Variants in XKR6 observed in about 807,000 individuals in gnomAD.
XKR6 encodes XK related 6, also known as XK-related protein 6.
XKR6 carries 22 observed loss-of-function variants against 56.7 expected under a neutral mutation model. The observed-to-expected ratio is 0.39, with a 90% CI of 0.28 to 0.55. The LOEUF (loss-of-function observed/expected upper bound fraction) is 0.55, where lower values mean the gene tolerates loss of function less well. XKR6 is among the 20% of genes least tolerant of loss of function. The pLI is 0.66. For synonymous variants in XKR6, 524 were observed against 387.8 expected (o/e 1.35, Z -4.13); for missense variants, 852 against 889.0 (o/e 0.96, Z 0.53).
intron 1 of XKR6, among the ~76,000 whole-genome samples, chr8:10,932,582 C>G (rs1035441836): frequency 3.4e-5 from 4 of 116,276 alleles, no homozygotes; most frequent in Non-Finnish European, 5.3e-5. Context: ...CCCCTCCCCC[C>G]ACCCCACCAC....
intron 1 of XKR6, chr8:11,123,297 T>C (rs1449695568): frequency 1.3e-5 from 2 of 151,778 alleles, no homozygotes; most frequent in African/African-American, 4.8e-5. Flanking sequence ...ACAATATTTC[T>C]CTTGACAACT....
intron 1 of XKR6, among the ~76,000 whole-genome samples, chr8:11,172,790 G>A (rs759373812): frequency 6.6e-6 from 1 of 151,980 alleles, no homozygotes. Context: ...AGGAGCAAAG[G>A]CCAGAAAGCA....
chr8:11,188,584 T>A (rs949449642), intron 1 of XKR6, among the ~76,000 whole-genome samples: 3 of 152,242 alleles, frequency 2.0e-5, no homozygotes, highest in African/African-American at 7.2e-5. Flanking sequence ...TTGGAAGACA[T>A]CATCTTTTCC....
intron 1 of XKR6, among the ~76,000 whole-genome samples, chr8:11,102,050 C>G (rs1045459785): frequency 6.6e-6 from 1 of 152,234 alleles, no homozygotes; most frequent in South Asian, 2.1e-4. Flanking sequence ...GCGAGGGCTT[C>G]TGGATGGGTC....
At chr8:11,089,182 G>A (rs1797986991) in intron 1 of XKR6, among the ~76,000 whole-genome samples, 1 of 152,122 alleles carries the variant, frequency 6.6e-6, no homozygotes, top group Non-Finnish European at 1.5e-5. Flanking sequence ...GCCACAAGTG[G>A]CCCACCAGCG....
chr8:11,173,416 C>CATATAT (rs768500760), intron 1 of XKR6, among the ~76,000 whole-genome samples: 1 of 149,306 alleles, frequency 6.7e-6, no homozygotes, highest in Non-Finnish European at 1.5e-5. Flanking sequence ...TATACATATA[C>CATATAT]ATATATATAT....
At chr8:11,184,288 C>G (rs1353812559) in intron 1 of XKR6, among the ~76,000 whole-genome samples, 1 of 152,030 alleles carries the variant, frequency 6.6e-6, no homozygotes, top group East Asian at 1.9e-4. Context: ...ATGCAGACCC[C>G]TGGTACAGTC....
intron 1 of XKR6, among the ~76,000 whole-genome samples, chr8:10,945,975 C>A (rs1332028221): frequency 3.3e-5 from 5 of 152,072 alleles, no homozygotes; most frequent in Admixed American, 3.3e-4. Flanking sequence ...TCCTCTCTAG[C>A]CCCCACGCAG....
chr8:10,958,974 T>C (rs925643671), intron 1 of XKR6, among the ~76,000 whole-genome samples: 15 of 152,196 alleles, frequency 9.9e-5, no homozygotes, highest in African/African-American at 3.6e-4. Context: ...CAGGAAGGCA[T>C]CAAGCCTGAG....
intron 1 of XKR6, among the ~76,000 whole-genome samples, chr8:11,060,425 C>T (rs540317508): frequency 1.3e-5 from 2 of 152,358 alleles, no homozygotes; most frequent in Admixed American, 6.5e-5. Context: ...TCCGCAGCCC[C>T]GCAGTGCCTT....
chr8:11,097,001 A>C (rs1043221052), intron 1 of XKR6, among the ~76,000 whole-genome samples: 6 of 152,170 alleles, frequency 3.9e-5, no homozygotes, highest in African/African-American at 1.4e-4. Flanking sequence ...GGTGTGCTCC[A>C]TCAATCAATG....
chr8:11,064,055 T>G (rs1242106116), intron 1 of XKR6, among the ~76,000 whole-genome samples: 1 of 152,206 alleles, frequency 6.6e-6, no homozygotes, highest in African/African-American at 2.4e-5. Context: ...GTCCTTCCCT[T>G]TCTACTGCGT....
chr8:10,899,839 C>A (rs1563276960), intron 2 of XKR6, among the ~76,000 whole-genome samples: 1 of 152,160 alleles, frequency 6.6e-6, no homozygotes, highest in African/African-American at 2.4e-5. Flanking sequence ...CTCATATTGC[C>A]ATAGAACAAT....
At chr8:11,140,879 C>CA (rs1387879340) in intron 1 of XKR6, among the ~76,000 whole-genome samples, 1 of 123,740 alleles carries the variant, frequency 8.1e-6, no homozygotes, top group Non-Finnish European at 1.6e-5. Context: ...GCCTGGGCGA[C>CA]AGAGCGAGAC....
intron 1 of XKR6, chr8:11,174,974 AT>A (rs1802582377): frequency 6.6e-6 from 1 of 152,212 alleles, no homozygotes; most frequent in East Asian, 1.9e-4. Flanking sequence ...AATTTACTTT[AT>A]AAAATCACAG....
intron 1 of XKR6, among the ~76,000 whole-genome samples, chr8:11,077,464 T>A (rs1199347837): frequency 6.6e-6 from 1 of 152,080 alleles, no homozygotes. Context: ...TGGCCCTCAG[T>A]GAACAGTTCC....
intron 1 of XKR6, among the ~76,000 whole-genome samples, chr8:10,993,308 C>T (rs551586058): frequency 6.6e-6 from 1 of 152,312 alleles, no homozygotes; most frequent in Non-Finnish European, 1.5e-5. Context: ...AGCGGCCCTG[C>T]AGTCAGGAAG....
At chr8:11,114,813 G>T (rs1002032947) in intron 1 of XKR6, among the ~76,000 whole-genome samples, 2 of 149,644 alleles carry the variant, frequency 1.3e-5, no homozygotes, top group Non-Finnish European at 3.0e-5. Flanking sequence ...ATGCTAAACC[G>T]TAACAATAGC....
chr8:10,995,663 G>C (rs1303850566), intron 1 of XKR6, among the ~76,000 whole-genome samples: 1 of 149,090 alleles, frequency 6.7e-6, no homozygotes, highest in Non-Finnish European at 1.5e-5. Context: ...ACTCCAGTCT[G>C]GGTGACAGAG....
Sources: gnomAD v4.1 joint callset for allele counts (sites outside exome capture counted in the v4.1 genomes callset) on GRCh38, gnomAD v4.1.1 for gene constraint, MANE v1.5 for transcripts, NCBI Gene and HGNC (gene_info 2026-07-23, HGNC 2026-07-21) for gene names.